Variants in KCNH7 observed in about 807,000 individuals in gnomAD.
KCNH7 encodes potassium voltage-gated channel subfamily H member 7, also known as voltage-gated inwardly rectifying potassium channel KCNH7.
Under a neutral mutation model 120.8 loss-of-function variants are expected in KCNH7, and 49 were observed. The ratio of observed to expected loss-of-function variants is 0.41; its 90% CI spans 0.32 to 0.51. The LOEUF (loss-of-function observed/expected upper bound fraction) is 0.51. Among genes scored for constraint, KCNH7 ranks in the 20% least tolerant of loss-of-function variants. The pLI is 0.38. For missense variants in KCNH7, 1,097 were observed against 1,446.6 expected (o/e 0.76, Z 3.92); for synonymous variants, 547 against 516.1 (o/e 1.06, Z -0.81).
At chr2:162,580,564 G>C (rs10930059) in intron 2 of KCNH7, among the ~76,000 whole-genome samples, 1 of 152,008 alleles carries the variant, frequency 6.6e-6, no homozygotes, top group African/African-American at 2.4e-5. Flanking sequence ...AATTTTGTTT[G>C]ATGCAACTCA....
chr2:162,406,147 T>C lies in KCNH7; in HGVS notation c.2155-5706A>G, dbSNP rs566011427. 8.6e-4 allele frequency among the ~76,000 whole-genome samples: 131 copies of C among 152,100 alleles called. No homozygotes were observed. In the Middle Eastern group the frequency reaches 0.02, roughly 24 times the overall value. On this transcript the variant is annotated intron_variant, in intron 9 of 15. Transcript: ENST00000332142. ...AAGCCCAAGTTCCAAAACACTCTTA[T>C]GGTGGTTATACTTTCTCGATTCTGT...
chr2:162,712,040 C>T (rs1037455589), intron 2 of KCNH7, among the ~76,000 whole-genome samples: 1 of 152,148 alleles, frequency 6.6e-6, no homozygotes, highest in Non-Finnish European at 1.5e-5. Flanking sequence ...AGCTTCACAA[C>T]AGGACCCAAG....
At chr2:162,460,266 C>T (rs539344798) in intron 6 of KCNH7, among the ~76,000 whole-genome samples, 7 of 152,098 alleles carry the variant, frequency 4.6e-5, no homozygotes, top group South Asian at 4.2e-4. Context: ...CTCCTTCCTT[C>T]GAGAGAAGAA....
At chr2:162,467,552 T>G (rs1689349677) in intron 6 of KCNH7, among the ~76,000 whole-genome samples, 1 of 152,186 alleles carries the variant, frequency 6.6e-6, no homozygotes, top group Non-Finnish European at 1.5e-5. Flanking sequence ...GGAAGCAGCC[T>G]GAACACCCTT....
At chr2:162,762,249 G>C (rs1688993119) in intron 2 of KCNH7, among the ~76,000 whole-genome samples, 1 of 151,366 alleles carries the variant, frequency 6.6e-6, no homozygotes, top group Non-Finnish European at 1.5e-5. Context: ...ATTTCAAAGG[G>C]ATCAAGAAAT....
In KCNH7 at chr2:162,495,048, C is replaced by T. The variant is rs541954993; in HGVS notation, c.1128+9395G>A. 1.4e-3 allele frequency among the ~76,000 whole-genome samples: 207 copies of T among 152,302 alleles called. 1 individual carries two copies. The highest frequency in any genetic ancestry group is 3.4e-3 in the Middle Eastern group (1 of 294). On this transcript the variant is annotated intron_variant, in intron 6 of 15. Coordinates refer to ENST00000332142, the MANE Select transcript of KCNH7 (RefSeq NM_033272.4). Reference sequence around the variant, plus strand: ...AAATTTTGAGCATATTTGTTTCTTTCTGCCTGGCTTCTCCAGAATTTGTAA... The same window carrying T: ...AAATTTTGAGCATATTTGTTTCTTTTTGCCTGGCTTCTCCAGAATTTGTAA...
chr2:162,520,617 A>AC lies in KCNH7; in HGVS notation c.464-2460_464-2459insG, dbSNP rs371923725. 3.0e-4 allele frequency among the ~76,000 whole-genome samples: 46 copies of AC among 151,702 alleles called. 1 individual carries two copies. The highest frequency in any genetic ancestry group is 1.1e-3 in the African/African-American group (44 of 41,420). ...TCTCTATAAAAAAACAACAACAACA[A>AC]AAAAAACTAGGTATGGTGGCATATG... On this transcript the variant is annotated intron_variant, in intron 3 of 15. Coordinates refer to ENST00000332142, the MANE Select transcript of KCNH7 (RefSeq NM_033272.4).
chr2:162,565,676 T>TGTCAA (rs1197581381), intron 2 of KCNH7, among the ~76,000 whole-genome samples: 2 of 152,114 alleles, frequency 1.3e-5, no homozygotes, highest in Middle Eastern at 3.2e-3. Flanking sequence ...GTGAGTCTGA[T>TGTCAA]GTCAGCTCTT....
In KCNH7 at chr2:162,371,962, T is replaced by G; in HGVS notation, c.3458A>C (p.Glu1153Ala). Residue 1153 changes from glutamate to alanine, a missense_variant, in exon 16 of 16, where the codon GAG (glutamate) becomes GCG (alanine). Physicochemically the swap from Glu to Ala is moderately radical, Grantham distance 107. This residue lies in a region of KCNH7 where 406 missense variants were observed against 410.5 expected (regional missense o/e 0.99). Transcript: ENST00000332142. ...LLKQDSDLSLELHLRQRKTYV... is the reference protein window; with the variant it reads ...LLKQDSDLSLALHLRQRKTYV... The stretch of plus-strand genomic sequence containing the variant: ...AGTTTTTCTTTGCCGCAGGTGAAGC[T>G]CTAAAGAGAGATCACTGTCTTGTTT... 1 of 1,613,882 alleles carries G rather than the reference T, an allele frequency of 6.2e-7. No homozygotes were observed. Among genetic ancestry groups the G allele is most frequent in the South Asian group, 1.1e-5 (1 of 91,072 alleles).
rs373956109 is a variant in KCNH7, at chr2:162,547,096, G to A, written c.308-10016C>T. On this transcript the variant is annotated intron_variant, in intron 2 of 15. Transcript: ENST00000332142. The stretch of plus-strand genomic sequence containing the variant: ...TCTTGGTGGAAGGGGAAGCAGGCAC[G>A]TGTTACATGGCGGCAGGTGAGACAG... Among the ~76,000 whole-genome samples, 33 of 152,262 alleles carry A rather than the reference G, an allele frequency of 2.2e-4. No individual in the cohort carries two copies. The East Asian group carries it at 4.3e-3, about 20-fold the overall frequency.
At chr2:162,558,619 A>G (rs1463343957) in intron 2 of KCNH7, among the ~76,000 whole-genome samples, 1 of 149,852 alleles carries the variant, frequency 6.7e-6, no homozygotes, top group East Asian at 2.0e-4. Flanking sequence ...AAGTTACATG[A>G]CCTTTTAACC....
At chr2:162,435,628 G>T (rs747585005) in intron 7 of KCNH7, 31 bp from the exon 8 acceptor site, 1 of 1,535,100 alleles carries the variant, frequency 6.5e-7, no homozygotes, top group Non-Finnish European at 8.8e-7. Flanking sequence ...AGTCAGAAAC[G>T]GTCGGCAAAC....
In KCNH7 at chr2:162,720,766, C is replaced by T. The variant is rs531621332; in HGVS notation, c.307+115771G>A. ...GATAATGAATAAGATGAAAGTGAAGCAATTGTGGTAGGTGTAGAAACCTCA... is the reference window on the plus strand; with the variant it reads ...GATAATGAATAAGATGAAAGTGAAGTAATTGTGGTAGGTGTAGAAACCTCA... On this transcript the variant is annotated intron_variant, in intron 2 of 15. Transcript: ENST00000332142. Among the ~76,000 whole-genome samples the T allele has an allele frequency of 5.1e-4, 77 of 152,116 alleles. 1 individual carries two copies. The highest frequency in any genetic ancestry group is 1.8e-3 in the African/African-American group (76 of 41,512).
At chr2:162,633,178 G>A (rs1224874988) in intron 2 of KCNH7, among the ~76,000 whole-genome samples, 1 of 151,640 alleles carries the variant, frequency 6.6e-6, no homozygotes, top group African/African-American at 2.4e-5. Context: ...TATGTTTTAG[G>A]TAACACACGG....
intron 2 of KCNH7, among the ~76,000 whole-genome samples, chr2:162,624,405 C>A (rs1386482711): frequency 6.6e-6 from 1 of 152,108 alleles, no homozygotes; most frequent in East Asian, 1.9e-4. Context: ...TACTGTATAA[C>A]ATGGATTAGG....
chr2:162,679,076 A>G (rs1200962475), intron 2 of KCNH7, among the ~76,000 whole-genome samples: 2 of 151,630 alleles, frequency 1.3e-5, no homozygotes, highest in African/African-American at 2.4e-5. Context: ...GTGAAACTGG[A>G]AAGAGCAGCA....
intron 2 of KCNH7, among the ~76,000 whole-genome samples, chr2:162,803,303 T>C (rs991959407): frequency 3.3e-5 from 5 of 151,904 alleles, no homozygotes; most frequent in East Asian, 1.9e-4. Flanking sequence ...AAAGTATTAG[T>C]TTGAAAGTAA....
chr2:162,746,393 G>GA (rs1394415552), intron 2 of KCNH7, among the ~76,000 whole-genome samples: 4 of 152,116 alleles, frequency 2.6e-5, no homozygotes, highest in African/African-American at 9.6e-5. Flanking sequence ...TTAGAGGTCA[G>GA]AAAGTATTTT....
chr2:162,429,234 T>C (rs749635342), intron 8 of KCNH7, among the ~76,000 whole-genome samples: 1 of 151,832 alleles, frequency 6.6e-6, no homozygotes, highest in Non-Finnish European at 1.5e-5. Flanking sequence ...CAGCAATATA[T>C]ACTTCTATTT....
Sources: allele counts gnomAD v4.1 joint callset (sites outside exome capture counted in the v4.1 genomes callset), GRCh38; gene constraint gnomAD v4.1.1; regional missense constraint gnomAD v4.1.1; transcripts MANE v1.5; gene names NCBI Gene and HGNC (gene_info 2026-07-23, HGNC 2026-07-21).